EYA1: variants seen among roughly 807,000 people sequenced by gnomAD.
The protein encoded by EYA1 is protein phosphatase EYA1.
Under a neutral mutation model 82.0 loss-of-function variants are expected in EYA1, and 16 were observed. The observed-to-expected ratio is 0.20, with a 90% confidence interval of 0.13 to 0.30. The LOEUF (loss-of-function observed/expected upper bound fraction) is 0.30. Ranked by LOEUF, EYA1 falls within the 10% of genes least tolerant of loss-of-function variation. The pLI is 1.00. For missense variants in EYA1, 633 were observed against 730.7 expected (o/e 0.87, Z 1.54); for synonymous variants, 261 against 264.4 (o/e 0.99, Z 0.12).
chr8:71,373,866 C>T (rs1342752817), intron 2 of EYA1, among the ~76,000 whole-genome samples: 1 of 151,988 alleles, frequency 6.6e-6, no homozygotes, highest in Non-Finnish European at 1.5e-5. Context: ...TTCAACAAGA[C>T]CACCAATAAG....
At chr8:71,389,534 A>T (rs1829152830) in intron 2 of EYA1, among the ~76,000 whole-genome samples, 1 of 152,194 alleles carries the variant, frequency 6.6e-6, no homozygotes, top group African/African-American at 2.4e-5. Flanking sequence ...ATTACACATC[A>T]GCTTTTGTCA....
chr8:71,541,498 A>T (rs1174707478), intron 1 of EYA1, among the ~76,000 whole-genome samples: 1 of 152,236 alleles, frequency 6.6e-6, no homozygotes, highest in African/African-American at 2.4e-5. Flanking sequence ...TGCTAATTAG[A>T]ATGATGACAT....
At chr8:71,262,103 A>C (rs1815188554) in intron 11 of EYA1, among the ~76,000 whole-genome samples, 1 of 152,174 alleles carries the variant, frequency 6.6e-6, no homozygotes, top group South Asian at 2.1e-4. Flanking sequence ...TGGTGTTGCC[A>C]GTTGATGGAT....
chr8:71,493,725 A>AT (rs1439158546), intron 2 of EYA1, among the ~76,000 whole-genome samples: 3 of 151,818 alleles, frequency 2.0e-5, no homozygotes, highest in Non-Finnish European at 2.9e-5. Context: ...ATACTGAATC[A>AT]TTTTAAGAGG....
chr8:71,387,436 G>A (rs11995613), intron 2 of EYA1, among the ~76,000 whole-genome samples: 3,700 of 152,240 alleles, frequency 0.024, 150 homozygotes, highest in African/African-American at 0.082. Flanking sequence ...AGAAATGATA[G>A]GTAGAAACAC....
At chr8:71,310,955 G>A (rs1264896600) in intron 7 of EYA1, among the ~76,000 whole-genome samples, 1 of 151,992 alleles carries the variant, frequency 6.6e-6, no homozygotes, top group Non-Finnish European at 1.5e-5. Flanking sequence ...GGAAAGCTGG[G>A]TTTTCCACAG....
chr8:71,479,118 C>T (rs115613045), intron 2 of EYA1, among the ~76,000 whole-genome samples: 2,652 of 152,196 alleles, frequency 0.017, 51 homozygotes, highest in African/African-American at 0.061. Flanking sequence ...CCTCTCTGAC[C>T]TCACCTCCAA....
chr8:71,517,478 C>T (rs1337661004), intron 2 of EYA1, among the ~76,000 whole-genome samples: 1 of 151,098 alleles, frequency 6.6e-6, no homozygotes, highest in Non-Finnish European at 1.5e-5. Flanking sequence ...TAATTTCAAA[C>T]CAAAAGAAAT....
intron 9 of EYA1, among the ~76,000 whole-genome samples, chr8:71,289,881 C>A (rs1476264147): frequency 1.3e-5 from 2 of 152,086 alleles, no homozygotes; most frequent in East Asian, 3.8e-4. Flanking sequence ...AGGTGCAGAA[C>A]AGCATGTATA....
chr8:71,327,958 C>A (rs558602007), intron 4 of EYA1, among the ~76,000 whole-genome samples: 1 of 149,466 alleles, frequency 6.7e-6, no homozygotes, highest in South Asian at 2.1e-4. Flanking sequence ...TGGGTTCAAG[C>A]GATTCTCCTG....
intron 2 of EYA1, among the ~76,000 whole-genome samples, chr8:71,433,102 C>T (rs1294157028): frequency 2.0e-5 from 3 of 152,172 alleles, no homozygotes; most frequent in Admixed American, 6.6e-5. Context: ...ACTGCCCACA[C>T]TCAGGAACCC....
At chr8:71,357,651 A>C (rs1563527574) in intron 1 of EYA1, among the ~76,000 whole-genome samples, 1 of 152,250 alleles carries the variant, frequency 6.6e-6, no homozygotes, top group Non-Finnish European at 1.5e-5. Context: ...TCTTCTGTTA[A>C]GTCCTGTTAT....
chr8:71,375,392 C>A (rs1029274917), intron 2 of EYA1, among the ~76,000 whole-genome samples: 23 of 151,810 alleles, frequency 1.5e-4, no homozygotes, highest in Admixed American at 1.5e-3. Flanking sequence ...AACAAAAATC[C>A]TGGAAGAATG....
At chr8:71,385,004 A>AT (rs1361590862) in intron 2 of EYA1, among the ~76,000 whole-genome samples, 4 of 151,768 alleles carry the variant, frequency 2.6e-5, no homozygotes, top group South Asian at 2.1e-4. Context: ...ATAATCCAGG[A>AT]TTTTTTTTAT....
chr8:71,255,590 T>A (rs1814310691), intron 11 of EYA1, among the ~76,000 whole-genome samples: 1 of 152,010 alleles, frequency 6.6e-6, no homozygotes, highest in Non-Finnish European at 1.5e-5. Context: ...TATGCAAAAA[T>A]TAACTCAAAA....
intron 2 of EYA1, among the ~76,000 whole-genome samples, chr8:71,455,582 T>C (rs1807822411): frequency 6.6e-6 from 1 of 152,224 alleles, no homozygotes; most frequent in Non-Finnish European, 1.5e-5. Context: ...GCTTCATCCC[T>C]GGGATGCAAG....
chr8:71,490,657 C>T (rs1358824223), intron 2 of EYA1, among the ~76,000 whole-genome samples: 1 of 152,014 alleles, frequency 6.6e-6, no homozygotes, highest in Non-Finnish European at 1.5e-5. Flanking sequence ...CAAGATAAGC[C>T]TACTTTGAGA....
intron 2 of EYA1, among the ~76,000 whole-genome samples, chr8:71,468,599 A>G (rs73298395): frequency 3.9e-5 from 6 of 152,302 alleles, no homozygotes; most frequent in African/African-American, 1.4e-4. Context: ...TAAATGTTAC[A>G]TATATTTTAC....
chr8:71,244,807 G>A (rs923550313), intron 11 of EYA1, 115 bp from the exon 12 acceptor site: 1 of 672,708 alleles, frequency 1.5e-6, no homozygotes, highest in Admixed American at 2.4e-5. Context: ...GACACAGAGA[G>A]AGACTTGGGC....
Sources: gnomAD v4.1 joint callset for allele counts (sites outside exome capture counted in the v4.1 genomes callset) on GRCh38, gnomAD v4.1.1 for gene constraint, MANE v1.5 for transcripts, NCBI Gene and HGNC (gene_info 2026-07-23, HGNC 2026-07-21) for gene names.